The following RARB variants were observed in gnomAD, a reference collection of about 807,000 sequenced individuals.
RARB encodes the protein HBV-activated protein.
RARB carries 17 observed loss-of-function variants against 51.9 expected under a neutral mutation model. That is an observed-to-expected ratio of 0.33 (90% CI 0.22 to 0.49). The LOEUF (loss-of-function observed/expected upper bound fraction) is 0.49, where lower values mean the gene tolerates loss of function less well. Among genes scored for constraint, RARB ranks in the 20% least tolerant of loss-of-function variants. The pLI is 0.99. For synonymous variants in RARB, 215 were observed against 195.4 expected (o/e 1.10, Z -0.84); for missense variants, 369 against 550.8 (o/e 0.67, Z 3.30).
intron 5 of RARB, among the ~76,000 whole-genome samples, chr3:25,189,917 T>G (rs987840756): frequency 6.6e-6 from 1 of 152,030 alleles, no homozygotes; most frequent in Non-Finnish European, 1.5e-5. Context: ...AAATCCTTCA[T>G]TGGGGCCCAG....
In RARB at chr3:24,897,383, A is replaced by G. The variant is rs117767955; in HGVS notation, c.-380+38631A>G. The stretch of plus-strand genomic sequence containing the variant: ...GTGTAGTTTTTGACTTCGTTCTTCA[A>G]AAGAAGTTTCTTTTGTCTGAATTAC... On this transcript the variant is annotated intron_variant, in intron 2 of 11. Coordinates refer to the RARB transcript ENST00000383772. Among the ~76,000 whole-genome samples, 355 of 152,274 alleles carry G rather than the reference A, an allele frequency of 2.3e-3. 10 individuals carry two copies. In the East Asian group the frequency reaches 0.058, roughly 25 times the overall value.
rs1428331324 is a variant in RARB, at chr3:25,148,418, CAG to C, written c.-280+16211_-280+16212del. 2.6e-5 allele frequency among the ~76,000 whole-genome samples: 4 copies of C among 152,278 alleles called. No individual in the cohort carries two copies. The East Asian group carries it at 7.7e-4, about 29-fold the overall frequency. On this transcript the variant is annotated intron_variant, in intron 4 of 11. Coordinates refer to the RARB transcript ENST00000383772. The stretch of plus-strand genomic sequence containing the variant: ...TTGATATGTTACAAAATCATTGGAT[CAG>C]GGGATTCTATTGAATCAGTGAATGT...
intron 1 of RARB, among the ~76,000 whole-genome samples, chr3:25,454,336 C>T (rs939920078): frequency 6.6e-6 from 1 of 152,238 alleles, no homozygotes; most frequent in Non-Finnish European, 1.5e-5. Context: ...CAGATAGGCT[C>T]TCTTTGGTGC....
chr3:25,539,280 T>C (rs1158290321), intron 3 of RARB, among the ~76,000 whole-genome samples: 7 of 152,172 alleles, frequency 4.6e-5, no homozygotes, highest in South Asian at 2.1e-4. Context: ...AGCATTCTAT[T>C]TGAGCGAAGC....
intron 5 of RARB, among the ~76,000 whole-genome samples, chr3:25,175,660 G>C (rs984089810): frequency 2.0e-5 from 3 of 152,206 alleles, no homozygotes; most frequent in African/African-American, 7.2e-5. Flanking sequence ...CTGACAGATA[G>C]GCAAACAGAT....
At chr3:25,379,233 A>G (rs565931160) in intron 5 of RARB, among the ~76,000 whole-genome samples, 1 of 152,336 alleles carries the variant, frequency 6.6e-6, no homozygotes, top group South Asian at 2.1e-4. Context: ...ATGCCAGAGC[A>G]TACTAGGGCA....
chr3:25,149,126 C>T (rs1700241887), intron 4 of RARB, among the ~76,000 whole-genome samples: 1 of 152,122 alleles, frequency 6.6e-6, no homozygotes, highest in Non-Finnish European at 1.5e-5. Context: ...AAAATAATTA[C>T]CACCCATACA....
chr3:24,875,373 C>T (rs1054332261), intron 2 of RARB, among the ~76,000 whole-genome samples: 6 of 152,062 alleles, frequency 3.9e-5, no homozygotes, highest in South Asian at 4.1e-4. Flanking sequence ...ATTCTGGCTC[C>T]GGACTCATTT....
At chr3:25,464,894 G>A (rs967924470) in intron 2 of RARB, among the ~76,000 whole-genome samples, 9 of 152,016 alleles carry the variant, frequency 5.9e-5, no homozygotes, top group African/African-American at 2.2e-4. Context: ...CCAAATTTAA[G>A]CAACTGCATA....
chr3:24,892,304 G>A (rs1703399170), intron 2 of RARB, among the ~76,000 whole-genome samples: 1 of 151,810 alleles, frequency 6.6e-6, no homozygotes, highest in African/African-American at 2.4e-5. Context: ...GCTGGAGGTA[G>A]GAGGCTTAGG....
chr3:25,189,729 C>A (rs1279510033), intron 5 of RARB, among the ~76,000 whole-genome samples: 1 of 151,910 alleles, frequency 6.6e-6, no homozygotes, highest in Non-Finnish European at 1.5e-5. Flanking sequence ...TCTATAAAAA[C>A]ACAAAAATTA....
Position 25,305,550 on chromosome 3 carries a change from T to G in RARB, c.178+130975T>G, listed in dbSNP as rs368631260. ...TTTCTGTGCAAGGGTTGAAAAGTTG[T>G]CTTGAGAAAATGAATTGTGGTCTTG... On this transcript the variant is annotated intron_variant, in intron 5 of 11. Coordinates refer to the RARB transcript ENST00000383772. Among the ~76,000 whole-genome samples, 30 of 152,246 alleles carry G rather than the reference T, an allele frequency of 2.0e-4. No homozygotes were observed. In the East Asian group the frequency reaches 5.6e-3, roughly 29 times the overall value.
intron 2 of RARB, among the ~76,000 whole-genome samples, chr3:24,902,634 G>A (rs948121524): frequency 6.6e-6 from 1 of 152,040 alleles, no homozygotes; most frequent in East Asian, 1.9e-4. Context: ...TTTATCTCCT[G>A]ACATGTCAAA....
chr3:25,140,820 C>T (rs1700096392), intron 4 of RARB, among the ~76,000 whole-genome samples: 1 of 151,958 alleles, frequency 6.6e-6, no homozygotes, highest in Admixed American at 6.6e-5. Flanking sequence ...TGCCCCAATC[C>T]ATCAGTAATC....
intron 2 of RARB, among the ~76,000 whole-genome samples, chr3:25,015,725 T>C (rs1217789582): frequency 6.6e-6 from 1 of 152,172 alleles, no homozygotes; most frequent in Non-Finnish European, 1.5e-5. Flanking sequence ...TTTTCTGTTT[T>C]TGGTCAGACA....
At chr3:25,327,956 C>T (rs568354397) in intron 5 of RARB, among the ~76,000 whole-genome samples, 1 of 152,214 alleles carries the variant, frequency 6.6e-6, no homozygotes, top group African/African-American at 2.4e-5. Context: ...AGAAATAAAA[C>T]AAAGTACACT....
chr3:25,245,598 A>G (rs1022357667), intron 5 of RARB, among the ~76,000 whole-genome samples: 3 of 152,120 alleles, frequency 2.0e-5, no homozygotes, highest in Non-Finnish European at 4.4e-5. Flanking sequence ...CTGGATTGAA[A>G]ATTTTTTTAT....
chr3:25,400,323 G>C (rs865965942), intron 5 of RARB, among the ~76,000 whole-genome samples: 5 of 152,170 alleles, frequency 3.3e-5, no homozygotes, highest in Admixed American at 1.3e-4. Flanking sequence ...TATATGTATA[G>C]ATTTGGAGGT....
At chr3:25,187,605 G>A (rs1350381406) in intron 5 of RARB, among the ~76,000 whole-genome samples, 1 of 151,890 alleles carries the variant, frequency 6.6e-6, no homozygotes, top group African/African-American at 2.4e-5. Flanking sequence ...TTTAATCTTT[G>A]TCTTAAAAGT....
Sources: allele counts gnomAD v4.1 joint callset (sites outside exome capture counted in the v4.1 genomes callset), GRCh38; gene constraint gnomAD v4.1.1; transcripts MANE v1.5; gene names NCBI Gene and HGNC (gene_info 2026-07-23, HGNC 2026-07-21).